The following DAB2 variants were observed in gnomAD, a reference collection of about 807,000 sequenced individuals.
DAB2 encodes disabled homolog 2.
A neutral mutation model predicts 71.6 loss-of-function variants in DAB2; 28 were observed. The observed-to-expected ratio is 0.39, with a 90% CI of 0.29 to 0.54. The LOEUF is 0.54. Among genes scored for constraint, DAB2 ranks in the 20% least tolerant of loss-of-function variants. The probability of loss-of-function intolerance (pLI) is 0.68; values close to 1 mark genes in which losing one functional copy is unlikely to be tolerated. For missense variants in DAB2, 867 were observed against 928.8 expected, an observed-to-expected ratio of 0.93 and a Z score of 0.86; for synonymous variants, 345 against 339.7, an observed-to-expected ratio of 1.02 and a Z score of -0.17.
intron 1 of DAB2, among the ~76,000 whole-genome samples, chr5:39,413,229 C>T (rs904260093): frequency 1.3e-5 from 2 of 152,060 alleles, no homozygotes; most frequent in Non-Finnish European, 2.9e-5. Context: ...AAATATTTGG[C>T]TAATCTTCTG....
At chr5:39,416,127 C>T (rs1260109109) in intron 1 of DAB2, among the ~76,000 whole-genome samples, 1 of 152,012 alleles carries the variant, frequency 6.6e-6, no homozygotes, top group African/African-American at 2.4e-5. Context: ...AGTTCCTCCT[C>T]CCTAAAAAGC....
At chr5:39,404,586 G>GTT (rs1236679184) in intron 1 of DAB2, among the ~76,000 whole-genome samples, 5 of 147,244 alleles carry the variant, frequency 3.4e-5, no homozygotes, top group Admixed American at 2.0e-4. Context: ...TGGTTTTTGG[G>GTT]TTTTTTTTTT....
Position 39,377,268 on chromosome 5 carries a change from T to C in DAB2, c.1519A>G (p.Thr507Ala). The change falls in exon 12 of 15, where the codon ACA (threonine) becomes GCA (alanine). Residue 507 changes from threonine (T) to alanine (A), a missense_variant. Physicochemically the swap from Thr to Ala is moderately conservative, Grantham distance 58. Coordinates refer to ENST00000320816, the MANE Select transcript of DAB2 (RefSeq NM_001343.4). ...PLVGLGGVTVTLPQAGPWNTA... is the reference protein window; with the variant it reads ...PLVGLGGVTVALPQAGPWNTA... ...TTCCATGGTCCTGCCTGAGGGAGTG[T>C]GACAGTTACACCACCTGAAGTAAGA... is the stretch of plus-strand genomic sequence containing the variant. 6.2e-7 allele frequency: 1 copy of C among 1,611,870 alleles called. No homozygotes were observed. Among genetic ancestry groups the C allele is most frequent in the Non-Finnish European group, 8.5e-7 (1 of 1,178,736 alleles).
intron 1 of DAB2, among the ~76,000 whole-genome samples, chr5:39,402,662 T>C (rs940347380): frequency 1.3e-5 from 2 of 152,132 alleles, no homozygotes; most frequent in African/African-American, 2.4e-5. Context: ...AGGTGATCCA[T>C]CTGCCTTGGC....
At chr5:39,419,279 C>T (rs983061245) in intron 1 of DAB2, among the ~76,000 whole-genome samples, 5 of 152,192 alleles carry the variant, frequency 3.3e-5, no homozygotes, top group Admixed American at 2.6e-4. Context: ...GTTTTGATTT[C>T]TGCTCACTGG....
At chr5:39,376,562 G>A (rs910607927) in intron 12 of DAB2, 88 bp downstream of exon 12, 2 of 1,472,068 alleles carry the variant, frequency 1.4e-6, no homozygotes, top group African/African-American at 1.4e-5. Context: ...TTGGCGGGTG[G>A]GAGAGGGTTC....
At chr5:39,396,505 A>T (rs1755373731) in intron 1 of DAB2, among the ~76,000 whole-genome samples, 2 of 152,234 alleles carry the variant, frequency 1.3e-5, no homozygotes, top group African/African-American at 4.8e-5. Context: ...GATGGTAATG[A>T]GGGCAGTTGT....
chr5:39,403,404 C>A (rs866274440), intron 1 of DAB2, among the ~76,000 whole-genome samples: 7 of 151,964 alleles, frequency 4.6e-5, no homozygotes, highest in Admixed American at 6.6e-5. Context: ...GGGACTGAAC[C>A]AAGAATGCCT....
Position 39,376,692 on chromosome 5 carries a change from G to T in DAB2, c.2095C>A (p.His699Asn). ...AGTTGATTAGCATCAAAGTCATCAT[G>T]GTCTGCATTCTCCTGAGGAATGCCA... The part of the protein sequence containing the change: ...KVGIPQENAD[H>N]DDFDANQLLN... The change falls in exon 12 of 15, where the codon CAT becomes AAT. Residue 699 changes from histidine (H) to asparagine (N), a missense_variant. Physicochemically the swap from His to Asn is moderately conservative, Grantham distance 68 (BLOSUM62 1). Around this residue, in one of 2 missense-constraint regions of DAB2, gnomAD observed 740 missense variants for 734.3 expected, o/e 1.01. Coordinates refer to ENST00000320816, the MANE Select transcript of DAB2 (RefSeq NM_001343.4). 1 of 1,614,054 alleles carries T rather than the reference G, an allele frequency of 6.2e-7. No individual in the cohort carries two copies. The highest frequency in any genetic ancestry group is 1.7e-5 in the Admixed American group (1 of 60,012).
chr5:39,393,268 T>C lies in DAB2; in HGVS notation c.217A>G (p.Met73Val), dbSNP rs759859510. The C allele has an allele frequency of 2.5e-6, 4 of 1,613,886 alleles. No homozygotes were observed. Among genetic ancestry groups the C allele is most frequent in the Non-Finnish European group, 3.4e-6 (4 of 1,179,936 alleles). Residue 73 changes from methionine (M) to valine (V), a missense_variant, in exon 3 of 15, where the codon ATG becomes GTG. Coordinates refer to ENST00000320816, the MANE Select transcript of DAB2 (RefSeq NM_001343.4). ...ARGDKMSQDS[M>V]MKLKGMAAAG... ...TTCCCTTTTACCTTTAGTTTCATCA[T>C]AGAGTCTTGGCTCATTTTATCCCCT...
rs368595881 is a variant in DAB2 at position 39,377,884 on chromosome 5, T to G, written c.1505-602A>C. ...CTTCACTTTTTATTGCTGCCAAGAC[T>G]GATACAGCTATATACATAAAGGGAA... is the stretch of plus-strand genomic sequence containing the variant. On this transcript the variant is annotated intron_variant, in intron 11 of 14. Transcript: ENST00000320816. Among the ~76,000 whole-genome samples, 16 of 152,316 alleles carry G rather than the reference T, an allele frequency of 1.1e-4. No individual in the cohort carries two copies. In the South Asian group the frequency reaches 1.7e-3, roughly 16 times the overall value.
At chr5:39,410,095 A>G (rs1268948433) in intron 1 of DAB2, among the ~76,000 whole-genome samples, 6 of 152,122 alleles carry the variant, frequency 3.9e-5, no homozygotes, top group Non-Finnish European at 5.9e-5. Context: ...CATCTATTTT[A>G]GTCATCTCTA....
At chr5:39,376,185 G>T in intron 12 of DAB2, 79 bp from the exon 13 acceptor site, 1 of 1,124,226 alleles carries the variant, frequency 8.9e-7, no homozygotes, top group Non-Finnish European at 1.3e-6. Context: ...GCTTATTTTT[G>T]AAGTTTAGTT....
intron 10 of DAB2, 54 bp downstream of exon 10, chr5:39,382,564 C>A: frequency 1.3e-6 from 2 of 1,522,102 alleles, no homozygotes; most frequent in Non-Finnish European, 1.8e-6. Context: ...ATCACACCAC[C>A]CTTTGGTACC....
chr5:39,403,602 T>A (rs928755322), intron 1 of DAB2, among the ~76,000 whole-genome samples: 3 of 152,214 alleles, frequency 2.0e-5, no homozygotes, highest in Admixed American at 6.5e-5. Context: ...GTCTCATTAA[T>A]ATTGATTTGG....
chr5:39,401,943 T>C (rs549127234), intron 1 of DAB2, among the ~76,000 whole-genome samples: 2 of 151,960 alleles, frequency 1.3e-5, no homozygotes, highest in South Asian at 2.1e-4. Flanking sequence ...TGAGACTCGG[T>C]AATTTATAAA....
intron 1 of DAB2, among the ~76,000 whole-genome samples, chr5:39,410,303 C>T (rs769133740): frequency 5.7e-4 from 86 of 152,210 alleles, no homozygotes; most frequent in Non-Finnish European, 8.1e-4. Context: ...TTTTGAGGAT[C>T]GTAGAAAAAT....
chr5:39,389,666 C>T (rs772505820), intron 6 of DAB2, among the ~76,000 whole-genome samples, 186 bp downstream of exon 6: 3 of 152,086 alleles, frequency 2.0e-5, no homozygotes, highest in Admixed American at 2.0e-4. Flanking sequence ...TGCCCACCAC[C>T]ACCCCTGGCT....
At chr5:39,408,408 A>G (rs189207089) in intron 1 of DAB2, 1 of 152,268 alleles carries the variant, frequency 6.6e-6, no homozygotes, top group East Asian at 1.9e-4. Flanking sequence ...ACCTTCCATG[A>G]GAGACTTGCC....
Sources: allele counts gnomAD v4.1 joint callset (sites outside exome capture counted in the v4.1 genomes callset), GRCh38; gene constraint gnomAD v4.1.1; regional missense constraint gnomAD v4.1.1; transcripts MANE v1.5; gene names NCBI Gene and HGNC (gene_info 2026-07-23, HGNC 2026-07-21).